CFAP20DC: variants seen among roughly 807,000 people sequenced by gnomAD.
CFAP20DC encodes CFAP20 domain containing, also known as protein CFAP20DC.
CFAP20DC carries 84 observed loss-of-function variants against 101.7 expected under a neutral mutation model. The ratio of observed to expected loss-of-function variants is 0.83; its 90% confidence interval spans 0.69 to 0.99. The LOEUF (loss-of-function observed/expected upper bound fraction) is 0.99, where lower values mean the gene tolerates loss of function less well. Among genes scored for constraint, CFAP20DC ranks in the 50% least tolerant of loss-of-function variants. The probability of loss-of-function intolerance (pLI) is 0.00; values close to 1 mark genes in which losing one functional copy is unlikely to be tolerated. For missense variants in CFAP20DC, 1,007 were observed against 970.3 expected, an observed-to-expected ratio of 1.04 and a Z score of -0.50; for synonymous variants, 359 against 351.2, an observed-to-expected ratio of 1.02 and a Z score of -0.25.
At chr3:58,930,161 T>C (rs1193735870) in intron 5 of CFAP20DC, among the ~76,000 whole-genome samples, 1 of 152,182 alleles carries the variant, frequency 6.6e-6, no homozygotes, top group Non-Finnish European at 1.5e-5. Context: ...ATGGAAAAGG[T>C]CTGTTTACAT....
intron 4 of CFAP20DC, among the ~76,000 whole-genome samples, chr3:59,038,650 T>G (rs2094145281): frequency 6.6e-6 from 1 of 152,154 alleles, no homozygotes; most frequent in African/African-American, 2.4e-5. Context: ...ATTATTTATC[T>G]GTTAGGGTGA....
At chr3:58,902,565 A>T (rs1037405872) in intron 6 of CFAP20DC, among the ~76,000 whole-genome samples, 9 of 152,136 alleles carry the variant, frequency 5.9e-5, no homozygotes, top group African/African-American at 2.2e-4. Flanking sequence ...TACCATTTGG[A>T]TATCTTATTT....
intron 15 of CFAP20DC, among the ~76,000 whole-genome samples, chr3:58,762,685 CT>C (rs1027031860): frequency 1.3e-5 from 2 of 152,146 alleles, no homozygotes; most frequent in Non-Finnish European, 2.9e-5. Context: ...CTGGTTGTTC[CT>C]TTCCATGTTT....
Position 58,882,588 on chromosome 3 carries a change from G to C in CFAP20DC, c.715+1957C>G, listed in dbSNP as rs942376441. Among the ~76,000 whole-genome samples, 1 of 151,916 alleles carries C rather than the reference G, an allele frequency of 6.6e-6. No individual in the cohort carries two copies. Among genetic ancestry groups the C allele is most frequent in the Non-Finnish European group, 1.5e-5 (1 of 67,982 alleles). On this transcript the variant is annotated intron_variant, in intron 7 of 16. Coordinates refer to ENST00000482387, the MANE Select transcript of CFAP20DC (RefSeq NM_001394063.1). This position sits in a 1 kb window ranked among gnomAD's most constrained non-coding sequence, Gnocchi z 4.2. ...GAACACACTCTTATTTTATTCTGTG[G>C]TACATCTTCCATTCAGATTGAATTG...
At chr3:58,775,236 G>A (rs1293710132) in intron 15 of CFAP20DC, among the ~76,000 whole-genome samples, 1 of 152,208 alleles carries the variant, frequency 6.6e-6, no homozygotes, top group Non-Finnish European at 1.5e-5. Context: ...CAGGTCACAG[G>A]TAGGTGAGAG....
At chr3:58,742,756 G>A (rs2067950951) in intron 16 of CFAP20DC, among the ~76,000 whole-genome samples, 184 bp from the exon 17 acceptor site, 1 of 152,170 alleles carries the variant, frequency 6.6e-6, no homozygotes, top group Non-Finnish European at 1.5e-5. Flanking sequence ...TCCAGGTGGA[G>A]AAGAAACACC....
At chr3:58,801,339 A>G (rs1381786264) in intron 15 of CFAP20DC, among the ~76,000 whole-genome samples, 1 of 152,200 alleles carries the variant, frequency 6.6e-6, no homozygotes, top group Non-Finnish European at 1.5e-5. Context: ...TAGTGCAAAA[A>G]TCTGGATAAC....
At chr3:58,852,315 A>G (rs1471412005) in intron 12 of CFAP20DC, among the ~76,000 whole-genome samples, 1 of 152,082 alleles carries the variant, frequency 6.6e-6, no homozygotes, top group Non-Finnish European at 1.5e-5. Context: ...TGCAACCAAT[A>G]CAGGAGCACC....
rs2080606983 is a variant in CFAP20DC at position 58,874,872 on chromosome 3, T to G, written c.716-4563A>C. Among the ~76,000 whole-genome samples, 1 of 152,184 alleles carries G rather than the reference T, an allele frequency of 6.6e-6. No homozygotes were observed. The highest frequency in any genetic ancestry group is 1.5e-5 in the Non-Finnish European group (1 of 68,038). On this transcript the variant is annotated intron_variant, in intron 7 of 16. Coordinates refer to ENST00000482387, the MANE Select transcript of CFAP20DC (RefSeq NM_001394063.1). The surrounding 1 kb of genome is among the most constrained non-coding windows in gnomAD (Gnocchi z 5.1). ...CCTGAACTGCCAGCACCTAGCCCAG[T>G]GCTTGACACAGAATAGGCACATAAT...
At chr3:58,814,560 T>G (rs60609020) in intron 14 of CFAP20DC, among the ~76,000 whole-genome samples, 2 of 151,276 alleles carry the variant, frequency 1.3e-5, no homozygotes, top group Admixed American at 1.3e-4. Context: ...AAAGAGGAAG[T>G]CAAATTGTCT....
intron 14 of CFAP20DC, among the ~76,000 whole-genome samples, chr3:58,810,380 G>C (rs952112147): frequency 6.6e-6 from 1 of 152,138 alleles, no homozygotes; most frequent in Non-Finnish European, 1.5e-5. Flanking sequence ...TCATCCCTGG[G>C]ATGCAAGGCT....
intron 16 of CFAP20DC, among the ~76,000 whole-genome samples, chr3:58,752,972 C>G (rs1164464639): frequency 6.6e-6 from 1 of 152,150 alleles, no homozygotes; most frequent in Admixed American, 6.6e-5. Context: ...GAGTCCCACT[C>G]TGAGGTTATT....
At chr3:58,848,994 T>A (rs1554910) in intron 13 of CFAP20DC, 38 bp downstream of exon 13, 75,870 of 1,520,844 alleles carry the variant, frequency 0.05, 4,688 homozygotes, top group East Asian at 0.36. Flanking sequence ...CAGCAGGATG[T>A]ATTGCCGGCA....
rs1296098822 is a variant in CFAP20DC at position 58,894,822 on chromosome 3, G to C, written c.551-10113C>G. ...CAACAAACTTGTGCCTGGGCATCCA[G>C]GCGTTTCCATATGTCCTCTGAAATC... On this transcript the variant is annotated intron_variant, in intron 6 of 16. Coordinates refer to ENST00000482387, the MANE Select transcript of CFAP20DC (RefSeq NM_001394063.1). This position sits in a 1 kb window ranked among gnomAD's most constrained non-coding sequence, Gnocchi z 4.1. Among the ~76,000 whole-genome samples, 2 of 152,236 alleles carry C rather than the reference G, an allele frequency of 1.3e-5. No individual in the cohort carries two copies. Among genetic ancestry groups the C allele is most frequent in the Non-Finnish European group, 2.9e-5 (2 of 68,042 alleles).
intron 4 of CFAP20DC, among the ~76,000 whole-genome samples, chr3:58,940,081 T>G (rs1277589063): frequency 6.6e-6 from 1 of 152,198 alleles, no homozygotes; most frequent in African/African-American, 2.4e-5. Flanking sequence ...TACATATTTT[T>G]AATCTAAATA....
chr3:58,746,099 AAAACAT>A (rs2068178505), intron 16 of CFAP20DC, among the ~76,000 whole-genome samples: 2 of 152,180 alleles, frequency 1.3e-5, no homozygotes, highest in African/African-American at 2.4e-5. Context: ...TTACAACCCC[AAAACAT>A]AGTGGATTTG....
At chr3:58,955,691 AGTGAACTGGGGGGGCATGT>A (rs1446353928) in intron 4 of CFAP20DC, among the ~76,000 whole-genome samples, 1 of 152,078 alleles carries the variant, frequency 6.6e-6, no homozygotes, top group Non-Finnish European at 1.5e-5. Context: ...TCTCAGAGGC[AGTGAACTGGGGGGGCATGT>A]GACCTCTTGA....
chr3:58,720,377 A>G (rs549678060), intron 3 of CFAP20DC, among the ~76,000 whole-genome samples: 1 of 152,352 alleles, frequency 6.6e-6, no homozygotes, highest in Admixed American at 6.5e-5. Flanking sequence ...AGATTGAGAT[A>G]TGTATGGAAG....
intron 15 of CFAP20DC, among the ~76,000 whole-genome samples, chr3:58,766,696 T>C (rs1036468892): frequency 2.6e-5 from 4 of 152,210 alleles, no homozygotes; most frequent in African/African-American, 9.6e-5. Context: ...CAACCTCATG[T>C]GGTACAATGT....
Sources: allele counts gnomAD v4.1 joint callset (sites outside exome capture counted in the v4.1 genomes callset), GRCh38; gene constraint gnomAD v4.1.1; non-coding constraint Gnocchi (gnomAD v3.1); transcripts MANE v1.5; gene names NCBI Gene and HGNC (gene_info 2026-07-23, HGNC 2026-07-21).